PPFIBP1: variants seen among roughly 807,000 people sequenced by gnomAD.
PPFIBP1 encodes liprin-beta-1.
A neutral mutation model predicts 137.8 loss-of-function variants in PPFIBP1; 112 were observed. The ratio of observed to expected loss-of-function variants is 0.81; its 90% CI spans 0.70 to 0.95. The LOEUF (loss-of-function observed/expected upper bound fraction) is 0.95. Ranked by LOEUF, PPFIBP1 falls within the 40% of genes least tolerant of loss-of-function variation. The probability of loss-of-function intolerance (pLI) is 0.00; values close to 1 mark genes in which losing one functional copy is unlikely to be tolerated. For missense variants in PPFIBP1, 1,083 were observed against 1,196.6 expected (o/e 0.91, Z 1.40); for synonymous variants, 378 against 417.3 (o/e 0.91, Z 1.15).
chr12:27,608,611 CCTT>C (rs2054771853), intron 2 of PPFIBP1: 1 of 388,702 alleles, frequency 2.6e-6, no homozygotes, highest in African/African-American at 2.2e-5. Flanking sequence ...AGGATTCCCT[CCTT>C]CTTAAAAATA....
chr12:27,571,467 C>G (rs1413856727), intron 1 of PPFIBP1, among the ~76,000 whole-genome samples: 1 of 152,106 alleles, frequency 6.6e-6, no homozygotes, highest in Non-Finnish European at 1.5e-5. Flanking sequence ...GATGAACCCA[C>G]CAATCCATTT....
Position 27,677,044 on chromosome 12 carries a change from CGTT to C in PPFIBP1, c.1583-15_1583-13del. The C allele has an allele frequency of 1.2e-6, 2 of 1,614,108 alleles. No individual in the cohort carries two copies. Among genetic ancestry groups the C allele is most frequent in the Non-Finnish European group, 1.7e-6 (2 of 1,179,994 alleles). ...CCATTGGGCTGCGTGTGATTGTGTG[CGTT>C]GTTGGGATATCTGAAGATCGTAAAC... is the stretch of plus-strand genomic sequence containing the variant. On this transcript the variant is annotated splice_polypyrimidine_tract_variant and intron_variant, in intron 18 of 29. Transcript: ENST00000228425.
At chr12:27,674,148 A>T in intron 16 of PPFIBP1, 44 bp from the exon 17 acceptor site, 1 of 1,488,410 alleles carries the variant, frequency 6.7e-7, no homozygotes. Flanking sequence ...AATTATACAA[A>T]GGATTTCCCT....
intron 2 of PPFIBP1, among the ~76,000 whole-genome samples, chr12:27,630,609 T>A (rs1010420426): frequency 5.3e-5 from 8 of 152,216 alleles, no homozygotes; most frequent in African/African-American, 1.9e-4. Context: ...AATGTAATTT[T>A]AAAAATGTTA....
intron 12 of PPFIBP1, among the ~76,000 whole-genome samples, chr12:27,665,807 A>T (rs558226161): frequency 6.6e-6 from 1 of 152,230 alleles, no homozygotes; most frequent in African/African-American, 2.4e-5. Context: ...TTTGAAAAAA[A>T]AAATTTTGTA....
Position 27,676,587 on chromosome 12 carries a change from G to A in PPFIBP1, c.1570G>A (p.Ala524Thr). The change falls in exon 18 of 30, where the codon GCA becomes ACA. Residue 524 changes from alanine (A) to threonine (T), a missense_variant. Physicochemically the swap from Ala to Thr is moderately conservative, Grantham distance 58. Coordinates refer to ENST00000228425, the MANE Select transcript of PPFIBP1 (RefSeq NM_003622.4). ...KIKSNKRTAS[A>T]PNLDRKRSAS... The stretch of plus-strand genomic sequence containing the variant: ...CAAAAGTAACAAGAGAACAGCAAGT[G>A]CACCAAACTTAGGTACGTATGACCA... 2 of 1,583,304 alleles carry A rather than the reference G, an allele frequency of 1.3e-6. No homozygotes were observed. The highest frequency in any genetic ancestry group is 1.7e-6 in the Non-Finnish European group (2 of 1,163,656).
chr12:27,589,826 C>A (rs1210468689), intron 2 of PPFIBP1, among the ~76,000 whole-genome samples: 1 of 152,140 alleles, frequency 6.6e-6, no homozygotes, highest in Non-Finnish European at 1.5e-5. Flanking sequence ...TCTTTCAGGC[C>A]TATCATAGTG....
At chr12:27,659,857 A>G (rs1312304201) in intron 10 of PPFIBP1, among the ~76,000 whole-genome samples, 5 of 152,150 alleles carry the variant, frequency 3.3e-5, no homozygotes, top group African/African-American at 1.2e-4. Context: ...AGGTGAGAGG[A>G]TCACTGGAGC....
At chr12:27,590,081 A>T (rs7139312) in intron 2 of PPFIBP1, among the ~76,000 whole-genome samples, 43 of 152,322 alleles carry the variant, frequency 2.8e-4, no homozygotes, top group African/African-American at 9.4e-4. Flanking sequence ...TCACTTTTTT[A>T]AAATTATATA....
chr12:27,626,173 A>G (rs1230651791), intron 2 of PPFIBP1, among the ~76,000 whole-genome samples: 1 of 152,142 alleles, frequency 6.6e-6, no homozygotes, highest in Non-Finnish European at 1.5e-5. Flanking sequence ...ACATGTGATG[A>G]CAGATACAGA....
intron 2 of PPFIBP1, among the ~76,000 whole-genome samples, chr12:27,613,046 G>C (rs1379767225): frequency 6.6e-6 from 1 of 152,146 alleles, no homozygotes; most frequent in African/African-American, 2.4e-5. Context: ...GCAGAGGAAT[G>C]CCTGGTACCC....
chr12:27,547,555 C>A (rs1946351124), intron 1 of PPFIBP1: 1 of 152,156 alleles, frequency 6.6e-6, no homozygotes, highest in Admixed American at 6.6e-5. Flanking sequence ...ACTCTGAGAC[C>A]AGGAGTGGGG....
At chr12:27,629,039 C>G (rs1045736364) in intron 2 of PPFIBP1, among the ~76,000 whole-genome samples, 9 of 152,282 alleles carry the variant, frequency 5.9e-5, no homozygotes, top group South Asian at 2.1e-4. Context: ...ACCACCACAT[C>G]CAATGGCAGA....
At chr12:27,563,776 T>C (rs974835480) in intron 1 of PPFIBP1, among the ~76,000 whole-genome samples, 4 of 152,132 alleles carry the variant, frequency 2.6e-5, no homozygotes, top group African/African-American at 9.7e-5. Flanking sequence ...ATTGTGCATA[T>C]GTGGGGTTTT....
intron 1 of PPFIBP1, chr12:27,547,907 A>G (rs1946389506): frequency 6.6e-6 from 1 of 152,192 alleles, no homozygotes; most frequent in Non-Finnish European, 1.5e-5. Flanking sequence ...GTGGAGCAAT[A>G]TAGTGTCTAC....
At chr12:27,627,763 A>C (rs1185099153) in intron 2 of PPFIBP1, among the ~76,000 whole-genome samples, 1 of 151,408 alleles carries the variant, frequency 6.6e-6, no homozygotes, top group Non-Finnish European at 1.5e-5. Context: ...TCTGCTCTAA[A>C]TGGGTCCTGA....
At chr12:27,656,238 A>G (rs1469545409) in intron 8 of PPFIBP1, among the ~76,000 whole-genome samples, 1 of 152,152 alleles carries the variant, frequency 6.6e-6, no homozygotes, top group Non-Finnish European at 1.5e-5. Flanking sequence ...TCCAATTTGC[A>G]TTTTATTTTG....
At chr12:27,649,098 C>A (rs572396109) in intron 6 of PPFIBP1, among the ~76,000 whole-genome samples, 1 of 152,196 alleles carries the variant, frequency 6.6e-6, no homozygotes, top group South Asian at 2.1e-4. Context: ...AAAACATATA[C>A]CCCATAAATG....
intron 1 of PPFIBP1, among the ~76,000 whole-genome samples, chr12:27,552,976 C>T (rs950896263): frequency 5.9e-5 from 9 of 151,970 alleles, no homozygotes; most frequent in African/African-American, 1.9e-4. Context: ...GATCAGATAC[C>T]GAGAGTGGGA....
Sources: gnomAD v4.1 joint callset for allele counts (sites outside exome capture counted in the v4.1 genomes callset) on GRCh38, gnomAD v4.1.1 for gene constraint, MANE v1.5 for transcripts, NCBI Gene and HGNC (gene_info 2026-07-23, HGNC 2026-07-21) for gene names.